The following TMTC2 variants were observed in gnomAD, a reference collection of about 807,000 sequenced individuals.
TMTC2 encodes transmembrane O-mannosyltransferase targeting cadherins 2, also known as protein O-mannosyl-transferase TMTC2.
Under a neutral mutation model 82.4 loss-of-function variants are expected in TMTC2, and 43 were observed. The ratio of observed to expected loss-of-function variants is 0.52; its 90% CI spans 0.41 to 0.67. The LOEUF (loss-of-function observed/expected upper bound fraction) is 0.67, where lower values mean the gene tolerates loss of function less well. Ranked by LOEUF, TMTC2 falls within the 30% of genes least tolerant of loss-of-function variation. The probability of loss-of-function intolerance (pLI) is 0.00; values close to 1 mark genes in which losing one functional copy is unlikely to be tolerated. For missense variants in TMTC2, 919 were observed against 1,012.4 expected, an observed-to-expected ratio of 0.91 and a Z score of 1.25; for synonymous variants, 408 against 381.9, an observed-to-expected ratio of 1.07 and a Z score of -0.80.
At chr12:82,939,133 T>C (rs1402459144) in intron 4 of TMTC2, among the ~76,000 whole-genome samples, 1 of 152,162 alleles carries the variant, frequency 6.6e-6, no homozygotes, top group East Asian at 1.9e-4. Context: ...TAATTACAAG[T>C]GCAGTTGAGT....
At chr12:82,787,344 T>C (rs11115425) in intron 1 of TMTC2, among the ~76,000 whole-genome samples, 33,899 of 151,992 alleles carry the variant, frequency 0.22, 4,295 homozygotes, top group Middle Eastern at 0.4. Flanking sequence ...TATTTCTGAG[T>C]TGGAAAGGGG....
chr12:83,074,541 A>T lies in TMTC2; in HGVS notation c.2331+12710A>T, dbSNP rs190562631. 4.6e-5 allele frequency among the ~76,000 whole-genome samples: 7 copies of T among 152,076 alleles called. No homozygotes were observed. In the East Asian group the frequency reaches 1.4e-3, roughly 29 times the overall value. ...CAGCTGCTCTAGGGGATGGGGTTAG[A>T]GTCCCAGGTCCCTGGAGTTGTGTAC... On this transcript the variant is annotated intron_variant, in intron 11 of 11. Coordinates refer to ENST00000321196, the MANE Select transcript of TMTC2 (RefSeq NM_152588.3).
At chr12:82,802,873 T>G (rs141086524) in intron 1 of TMTC2, among the ~76,000 whole-genome samples, 1 of 152,200 alleles carries the variant, frequency 6.6e-6, no homozygotes, top group Non-Finnish European at 1.5e-5. Context: ...ATAGGATACT[T>G]AGAGATGCTC....
intron 1 of TMTC2, among the ~76,000 whole-genome samples, chr12:82,743,419 C>CCTGGG (rs1875520152): frequency 6.6e-6 from 1 of 150,918 alleles, no homozygotes; most frequent in Non-Finnish European, 1.5e-5. Flanking sequence ...TGCACTCCAA[C>CCTGGG]CTGGGCTACA....
At chr12:82,707,518 A>G (rs1873419567) in intron 1 of TMTC2, among the ~76,000 whole-genome samples, 1 of 152,190 alleles carries the variant, frequency 6.6e-6, no homozygotes. Flanking sequence ...TTCTTTCTTC[A>G]TCTCTTGGTC....
rs569293038 is a variant in TMTC2, at chr12:82,717,334, C to T, written c.83+29665C>T. Among the ~76,000 whole-genome samples, 6 of 152,032 alleles carry T rather than the reference C, an allele frequency of 3.9e-5. No homozygotes were observed. The East Asian group carries it at 1.2e-3, about 29-fold the overall frequency. ...CCACCTCCTGGGTTCAAGCGATTCT[C>T]CTGCCTCAGCCTCCCAAGTAGCTGG... On this transcript the variant is annotated intron_variant, in intron 1 of 11. Coordinates refer to ENST00000321196, the MANE Select transcript of TMTC2 (RefSeq NM_152588.3).
At chr12:82,834,304 CAGAG>C (rs1869909673) in intron 1 of TMTC2, among the ~76,000 whole-genome samples, 1 of 152,200 alleles carries the variant, frequency 6.6e-6, no homozygotes, top group African/African-American at 2.4e-5. Context: ...TGCTGTCCTA[CAGAG>C]AGAGAAAAAG....
chr12:83,081,616 G>T (rs1883471679), intron 11 of TMTC2, among the ~76,000 whole-genome samples: 1 of 152,118 alleles, frequency 6.6e-6, no homozygotes. Flanking sequence ...TACAGATTTT[G>T]TGATTTCAAA....
chr12:83,068,057 A>G (rs2137482857), intron 11 of TMTC2, among the ~76,000 whole-genome samples: 1 of 152,210 alleles, frequency 6.6e-6, no homozygotes, highest in South Asian at 2.1e-4. Context: ...ATGTCAAAAG[A>G]TTAAACTGAG....
At chr12:82,766,356 G>T (rs1195023636) in intron 1 of TMTC2, among the ~76,000 whole-genome samples, 2 of 152,076 alleles carry the variant, frequency 1.3e-5, no homozygotes, top group Non-Finnish European at 2.9e-5. Context: ...TCTCTCCCAG[G>T]TTCCTGTTTT....
intron 9 of TMTC2, among the ~76,000 whole-genome samples, chr12:83,033,539 T>C (rs1469775323): frequency 6.6e-6 from 1 of 151,976 alleles, no homozygotes; most frequent in Non-Finnish European, 1.5e-5. Context: ...GATCACTAGG[T>C]CAGGAGTTTG....
chr12:82,855,458 A>T (rs1871216696), intron 1 of TMTC2, among the ~76,000 whole-genome samples: 1 of 152,310 alleles, frequency 6.6e-6, no homozygotes, highest in African/African-American at 2.4e-5. Flanking sequence ...TCATTAAGAC[A>T]GTCTCCCACA....
chr12:82,915,967 G>A (rs960636711), intron 3 of TMTC2, among the ~76,000 whole-genome samples: 6 of 152,224 alleles, frequency 3.9e-5, no homozygotes, highest in African/African-American at 1.4e-4. Flanking sequence ...GCCAAGGCAG[G>A]AGGATTGTTT....
At chr12:82,759,130 T>C (rs1262532801) in intron 1 of TMTC2, 1 of 152,238 alleles carries the variant, frequency 6.6e-6, no homozygotes, top group Non-Finnish European at 1.5e-5. Flanking sequence ...GCAAGGTGAA[T>C]GATTGCTATT....
intron 1 of TMTC2, among the ~76,000 whole-genome samples, chr12:82,766,890 C>T (rs1876993395): frequency 6.6e-6 from 1 of 152,164 alleles, no homozygotes; most frequent in South Asian, 2.1e-4. Context: ...CCTCTGCCTC[C>T]CGGGTTCAAG....
intron 1 of TMTC2, among the ~76,000 whole-genome samples, chr12:82,719,117 G>A (rs1335551511): frequency 3.6e-5 from 3 of 84,502 alleles, no homozygotes; most frequent in African/African-American, 5.0e-5. Context: ...TTTTTGAGAC[G>A]GAGTCTCGTT....
At chr12:82,874,087 C>T (rs549269184) in intron 2 of TMTC2, among the ~76,000 whole-genome samples, 3 of 152,302 alleles carry the variant, frequency 2.0e-5, no homozygotes, top group Non-Finnish European at 2.9e-5. Flanking sequence ...TGCACCTTTG[C>T]GTCCAGCTGG....
At chr12:82,840,850 G>A (rs2137089106) in intron 1 of TMTC2, among the ~76,000 whole-genome samples, 1 of 152,280 alleles carries the variant, frequency 6.6e-6, no homozygotes, top group South Asian at 2.1e-4. Flanking sequence ...CGTGATCTTG[G>A]CTCACTTCAG....
chr12:83,088,925 A>G (rs964461530), intron 11 of TMTC2, among the ~76,000 whole-genome samples: 4 of 152,224 alleles, frequency 2.6e-5, no homozygotes, highest in Non-Finnish European at 5.9e-5. Context: ...TCAGGCATCC[A>G]TGAGATATAG....
Sources: allele counts gnomAD v4.1 joint callset (sites outside exome capture counted in the v4.1 genomes callset), GRCh38; gene constraint gnomAD v4.1.1; transcripts MANE v1.5; gene names NCBI Gene and HGNC (gene_info 2026-07-23, HGNC 2026-07-21).